Variants in KCNH7 observed in about 807,000 individuals in gnomAD.
The protein encoded by KCNH7 is voltage-gated inwardly rectifying potassium channel KCNH7.
KCNH7 carries 49 observed loss-of-function variants against 120.8 expected under a neutral mutation model. The ratio of observed to expected loss-of-function variants is 0.41; its 90% CI spans 0.32 to 0.51. The LOEUF (loss-of-function observed/expected upper bound fraction) is 0.51. KCNH7 is among the 20% of genes least tolerant of loss of function. The probability of loss-of-function intolerance (pLI) is 0.38; values close to 1 mark genes in which losing one functional copy is unlikely to be tolerated. For missense variants in KCNH7, 1,097 were observed against 1,446.6 expected (o/e 0.76, Z 3.92); for synonymous variants, 547 against 516.1 (o/e 1.06, Z -0.81).
chr2:162,830,777 T>G lies in KCNH7; in HGVS notation c.307+5760A>C, dbSNP rs547149797. Among the ~76,000 whole-genome samples, 11 of 152,276 alleles carry G rather than the reference T, an allele frequency of 7.2e-5. No homozygotes were observed. The South Asian group carries it at 2.3e-3, about 32-fold the overall frequency. Reference sequence around the variant, plus strand: ...GACTGCCCCTTTTAGCCTTCTGCATTCTGCCATGTGAGACCACAGCAACAA... The same window carrying G: ...GACTGCCCCTTTTAGCCTTCTGCATGCTGCCATGTGAGACCACAGCAACAA... On this transcript the variant is annotated intron_variant, in intron 2 of 15. Coordinates refer to ENST00000332142, the MANE Select transcript of KCNH7 (RefSeq NM_033272.4).
At chr2:162,569,418 C>T (rs1356319200) in intron 2 of KCNH7, among the ~76,000 whole-genome samples, 1 of 145,650 alleles carries the variant, frequency 6.9e-6, no homozygotes. Flanking sequence ...ATTCTTCTCT[C>T]TTTTTTTCTT....
chr2:162,437,002 G>A (rs1347821460), intron 7 of KCNH7, among the ~76,000 whole-genome samples: 2 of 151,916 alleles, frequency 1.3e-5, no homozygotes, highest in African/African-American at 4.8e-5. Flanking sequence ...GATGCCTGTA[G>A]TCCCAGCTAT....
At chr2:162,387,429 T>C (rs1686605870) in intron 12 of KCNH7, among the ~76,000 whole-genome samples, 1 of 151,602 alleles carries the variant, frequency 6.6e-6, no homozygotes, top group African/African-American at 2.4e-5. Context: ...TGTACTATTT[T>C]TGCCTTTTTC....
At chr2:162,695,964 A>G (rs1686272575) in intron 2 of KCNH7, among the ~76,000 whole-genome samples, 1 of 152,164 alleles carries the variant, frequency 6.6e-6, no homozygotes, top group Admixed American at 6.6e-5. Flanking sequence ...GAAATCCTGA[A>G]CCCTAACTAT....
Position 162,396,999 on chromosome 2 carries a change from C to T in KCNH7, c.2408-54G>A, listed in dbSNP as rs1558924949. 4.0e-6 allele frequency: 5 copies of T among 1,238,066 alleles called. No individual in the cohort carries two copies. In the Middle Eastern group the frequency reaches 5.7e-4, roughly 142 times the overall value. 76.7% of individuals were successfully genotyped at this position (1,238,066 alleles called of 1,614,324 possible). A position where few individuals can be genotyped will look rare whatever the true frequency, so the allele number is the denominator to read the frequency against. On this transcript the variant is annotated intron_variant, in intron 10 of 15. Transcript: ENST00000332142. Reference sequence around the variant, plus strand: ...GGAAAGGGAATCCAAACTCAATGTTCTCCTTCTAAAAGTAGAAGGGGGTCA... The same window carrying T: ...GGAAAGGGAATCCAAACTCAATGTTTTCCTTCTAAAAGTAGAAGGGGGTCA...
intron 8 of KCNH7, among the ~76,000 whole-genome samples, chr2:162,433,943 G>A (rs1268775350): frequency 6.6e-6 from 1 of 151,960 alleles, no homozygotes; most frequent in Non-Finnish European, 1.5e-5. Flanking sequence ...GTTCATTGCA[G>A]CAGTATTCAC....
intron 7 of KCNH7, among the ~76,000 whole-genome samples, chr2:162,440,204 C>T (rs1688377886): frequency 6.6e-6 from 1 of 151,654 alleles, no homozygotes; most frequent in Admixed American, 6.6e-5. Flanking sequence ...CTCTCTAAAA[C>T]CTTTGCCTAT....
At chr2:162,518,195 C>T in intron 3 of KCNH7, 37 bp from the exon 4 acceptor site, 3 of 1,439,724 alleles carry the variant, frequency 2.1e-6, no homozygotes, top group Non-Finnish European at 2.9e-6. Flanking sequence ...TATTATAAGG[C>T]AAATGATATA....
chr2:162,427,886 T>C (rs1200469479), intron 8 of KCNH7, among the ~76,000 whole-genome samples: 1 of 151,878 alleles, frequency 6.6e-6, no homozygotes, highest in African/African-American at 2.4e-5. Context: ...CTTTCTTTCA[T>C]ACAGGACAGT....
rs34786286 is a variant in KCNH7, at chr2:162,607,220, CAAAAA to C, written c.308-70145_308-70141del. 3.2e-3 allele frequency among the ~76,000 whole-genome samples: 360 copies of C among 111,946 alleles called. 2 individuals carry two copies. Among genetic ancestry groups the C allele is most frequent in the African/African-American group, 0.01 (334 of 33,110 alleles). 73.4% of individuals were successfully genotyped at this position (111,946 alleles called of 152,430 possible). A position where few individuals can be genotyped will look rare whatever the true frequency, so the allele number is the denominator to read the frequency against. On this transcript the variant is annotated intron_variant, in intron 2 of 15. Coordinates refer to ENST00000332142, the MANE Select transcript of KCNH7 (RefSeq NM_033272.4). ...TGAAACCCCGTCTCTACTAAAAATA[CAAAAA>C]AAAAAAAAAAAAAAAATAGCCGAGC...
intron 2 of KCNH7, among the ~76,000 whole-genome samples, chr2:162,804,207 C>G (rs1684451212): frequency 6.6e-6 from 1 of 151,806 alleles, no homozygotes; most frequent in Non-Finnish European, 1.5e-5. Context: ...TTCACCACTT[C>G]TATTCAACAT....
intron 6 of KCNH7, among the ~76,000 whole-genome samples, chr2:162,452,647 A>G (rs1021141525): frequency 1.3e-5 from 2 of 152,056 alleles, no homozygotes; most frequent in African/African-American, 2.4e-5. Context: ...ACTTAGCTAC[A>G]TTGCTCATTA....
intron 2 of KCNH7, among the ~76,000 whole-genome samples, chr2:162,746,961 T>C (rs1022056485): frequency 6.6e-6 from 1 of 152,068 alleles, no homozygotes; most frequent in African/African-American, 2.4e-5. Flanking sequence ...TAATTAAAAA[T>C]CTAGATTTTT....
At chr2:162,643,544 C>T (rs1297693636) in intron 2 of KCNH7, among the ~76,000 whole-genome samples, 1 of 151,946 alleles carries the variant, frequency 6.6e-6, no homozygotes, top group African/African-American at 2.4e-5. Flanking sequence ...CGAGGTGGCT[C>T]ACACCTGTAA....
At chr2:162,757,920 T>C (rs888325185) in intron 2 of KCNH7, among the ~76,000 whole-genome samples, 1 of 152,150 alleles carries the variant, frequency 6.6e-6, no homozygotes, top group Admixed American at 6.6e-5. Flanking sequence ...AACTGAGATA[T>C]ATTCCTTATT....
chr2:162,774,324 G>A (rs1683160768), intron 2 of KCNH7, among the ~76,000 whole-genome samples: 1 of 152,002 alleles, frequency 6.6e-6, no homozygotes, highest in Non-Finnish European at 1.5e-5. Flanking sequence ...ATAATGATTA[G>A]CAAAACATGG....
intron 2 of KCNH7, among the ~76,000 whole-genome samples, chr2:162,671,738 A>G (rs1685367302): frequency 6.6e-6 from 1 of 151,972 alleles, no homozygotes; most frequent in Non-Finnish European, 1.5e-5. Context: ...TTTCAAAAAG[A>G]GAAAAAAAAG....
chr2:162,572,049 A>T (rs1469035744), intron 2 of KCNH7, among the ~76,000 whole-genome samples: 3 of 151,980 alleles, frequency 2.0e-5, no homozygotes, highest in Non-Finnish European at 4.4e-5. Context: ...GACAAATGGG[A>T]TCTAATTAAA....
intron 2 of KCNH7, among the ~76,000 whole-genome samples, chr2:162,565,216 T>C (rs770961155): frequency 2.0e-5 from 3 of 152,074 alleles, no homozygotes; most frequent in Admixed American, 6.6e-5. Flanking sequence ...CTTCCCCATA[T>C]AGGTATTTTT....
Sources: allele counts gnomAD v4.1 joint callset (sites outside exome capture counted in the v4.1 genomes callset), GRCh38; gene constraint gnomAD v4.1.1; transcripts MANE v1.5; gene names NCBI Gene and HGNC (gene_info 2026-07-23, HGNC 2026-07-21).